IL1RAPL1: variants seen among roughly 807,000 people sequenced by gnomAD.
IL1RAPL1 encodes the protein interleukin-1 receptor accessory protein-like 1.
Under a neutral mutation model 48.4 loss-of-function variants are expected in IL1RAPL1, and 3 were observed. That is an observed-to-expected ratio of 0.06 (90% confidence interval 0.03 to 0.16). The LOEUF is 0.16. Among genes scored for constraint, IL1RAPL1 ranks in the 10% least tolerant of loss-of-function variants. The pLI is 1.00. For missense variants in IL1RAPL1, 349 were observed against 530.6 expected, an observed-to-expected ratio of 0.66 and a Z score of 3.36; for synonymous variants, 185 against 187.7, an observed-to-expected ratio of 0.99 and a Z score of 0.12.
intron 6 of IL1RAPL1, among the ~76,000 whole-genome samples, chrX:29,827,361 C>A (rs1046384020): frequency 3.6e-5 from 4 of 112,565 alleles, no homozygotes; most frequent in African/African-American, 1.3e-4. Flanking sequence ...CTGAAAAGTG[C>A]AAGGCACTGT....
chrX:29,000,633 T>C (rs977282814), intron 2 of IL1RAPL1, among the ~76,000 whole-genome samples: 5 of 112,122 alleles, frequency 4.5e-5, no homozygotes, highest in Admixed American at 9.5e-5. Context: ...CTTACCAGTA[T>C]CATACCACTC....
intron 2 of IL1RAPL1, among the ~76,000 whole-genome samples, chrX:28,846,001 C>G (rs1241189499): frequency 8.9e-6 from 1 of 111,758 alleles, no homozygotes; most frequent in Admixed American, 9.5e-5. Context: ...ACATTCTATG[C>G]TTTGGGACAA....
chrX:29,135,184 C>T (rs1261842973), intron 2 of IL1RAPL1, among the ~76,000 whole-genome samples: 2 of 111,344 alleles, frequency 1.8e-5, no homozygotes, highest in African/African-American at 6.5e-5. Flanking sequence ...ATGGGCTCTC[C>T]CTCTATTGTT....
At chrX:29,598,523 G>A (rs778318107) in intron 5 of IL1RAPL1, among the ~76,000 whole-genome samples, 1 of 111,857 alleles carries the variant, frequency 8.9e-6, no homozygotes, top group African/African-American at 3.2e-5. Flanking sequence ...AGAATGTTCT[G>A]TAAATATCTT....
At chrX:28,795,933 A>G (rs772689741) in intron 2 of IL1RAPL1, among the ~76,000 whole-genome samples, 2 of 111,404 alleles carry the variant, frequency 1.8e-5, no homozygotes, top group Non-Finnish European at 3.8e-5. Context: ...GAGACTGGGC[A>G]ATTTATAAAA....
At chrX:29,404,398 G>C (rs1004868503) in intron 5 of IL1RAPL1, among the ~76,000 whole-genome samples, 5 of 110,699 alleles carry the variant, frequency 4.5e-5, no homozygotes, top group African/African-American at 1.6e-4. Flanking sequence ...CCTTTTAATT[G>C]AGCATTTTAT....
chrX:29,011,096 C>T lies in IL1RAPL1; in HGVS notation c.82+221671C>T, dbSNP rs181708385. Among the ~76,000 whole-genome samples the T allele has an allele frequency of 9.8e-5, 11 of 111,838 alleles. No homozygotes were observed. The East Asian group carries it at 1.7e-3, about 17-fold the overall frequency. On this transcript the variant is annotated intron_variant, in intron 2 of 10. Transcript: ENST00000378993. ...CTTATAAAATGACCTCACCATATAT[C>T]GTATATATTGCACAGTGAAAAGATG...
At chrX:29,676,752 C>A (rs1251097183) in intron 6 of IL1RAPL1, among the ~76,000 whole-genome samples, 1 of 111,115 alleles carries the variant, frequency 9.0e-6, no homozygotes, top group Non-Finnish European at 1.9e-5. Context: ...AAACAAGAGA[C>A]CTGGAAAATA....
intron 8 of IL1RAPL1, among the ~76,000 whole-genome samples, chrX:29,939,862 T>G (rs1052286703): frequency 2.3e-5 from 1 of 44,272 alleles, no homozygotes; most frequent in Admixed American, 2.3e-4. Context: ...TGAATGAGGA[T>G]TTTTTTTTTT....
chrX:28,810,991 C>G (rs1475340113), intron 2 of IL1RAPL1, among the ~76,000 whole-genome samples: 1 of 109,582 alleles, frequency 9.1e-6, no homozygotes, highest in Non-Finnish European at 1.9e-5. Flanking sequence ...AATGTTCAGA[C>G]TATAAAATTA....
intron 1 of IL1RAPL1, among the ~76,000 whole-genome samples, chrX:28,768,727 CTG>C (rs1168635222): frequency 0.1 from 6,424 of 62,985 alleles, 453 homozygotes; most frequent in African/African-American, 0.14. Context: ...CTCTCTCTCT[CTG>C]TCTCTCTCTC....
intron 1 of IL1RAPL1, among the ~76,000 whole-genome samples, chrX:28,673,425 C>T (rs962262480): frequency 1.2e-4 from 14 of 112,157 alleles, no homozygotes; most frequent in African/African-American, 3.9e-4. Flanking sequence ...CCATTCAGGA[C>T]ATAGGCACGG....
At chrX:29,151,677 T>C (rs772809798) in intron 2 of IL1RAPL1, among the ~76,000 whole-genome samples, 5 of 112,021 alleles carry the variant, frequency 4.5e-5, no homozygotes, top group Non-Finnish European at 9.4e-5. Flanking sequence ...CTTGGAGTTA[T>C]TCTAACTGAG....
intron 6 of IL1RAPL1, among the ~76,000 whole-genome samples, chrX:29,839,730 A>G (rs1189882310): frequency 8.9e-6 from 1 of 111,861 alleles, no homozygotes; most frequent in Non-Finnish European, 1.9e-5. Flanking sequence ...AACCTGGCCA[A>G]CACAGGGAGA....
At chrX:29,811,881 T>C in intron 6 of IL1RAPL1, among the ~76,000 whole-genome samples, 1 of 111,975 alleles carries the variant, frequency 8.9e-6, no homozygotes, top group Admixed American at 9.6e-5. Context: ...ATAATTTCAC[T>C]TTCATTTTTT....
intron 5 of IL1RAPL1, among the ~76,000 whole-genome samples, chrX:29,660,797 A>T (rs892364637): frequency 8.9e-6 from 1 of 111,840 alleles, no homozygotes; most frequent in Non-Finnish European, 1.9e-5. Flanking sequence ...TCTGATTAGG[A>T]TTGCTTTGGC....
intron 1 of IL1RAPL1, among the ~76,000 whole-genome samples, chrX:28,657,809 C>A (rs985786633): frequency 8.9e-6 from 1 of 111,858 alleles, no homozygotes; most frequent in African/African-American, 3.2e-5. Context: ...CAGGTGAGAG[C>A]AGAATGAAAC....
At chrX:29,441,094 A>G (rs1934542545) in intron 5 of IL1RAPL1, among the ~76,000 whole-genome samples, 1 of 110,576 alleles carries the variant, frequency 9.0e-6, no homozygotes, top group Non-Finnish European at 1.9e-5. Context: ...AACTTTAACA[A>G]TGACCCTGCA....
chrX:28,680,300 A>G (rs929945134), intron 1 of IL1RAPL1, among the ~76,000 whole-genome samples: 4 of 111,217 alleles, frequency 3.6e-5, no homozygotes, highest in Admixed American at 9.6e-5. Flanking sequence ...TGATTTTTGT[A>G]TGCTAATTTT....
Sources: allele counts gnomAD v4.1 joint callset (sites outside exome capture counted in the v4.1 genomes callset), GRCh38; gene constraint gnomAD v4.1.1; transcripts MANE v1.5; gene names NCBI Gene and HGNC (gene_info 2026-07-23, HGNC 2026-07-21).